FLYWCH1: variants seen among roughly 807,000 people sequenced by gnomAD.
FLYWCH1 encodes the protein FLYWCH-type zinc finger 1.
In FLYWCH1, 75 loss-of-function variants were observed where a neutral mutation model predicts 66.4. That is an observed-to-expected ratio of 1.13 (90% CI 0.94 to 1.37). The LOEUF (loss-of-function observed/expected upper bound fraction) is 1.37. FLYWCH1 is among the 40% of genes most tolerant of loss of function. The probability of loss-of-function intolerance (pLI) is 0.00; values close to 1 mark genes in which losing one functional copy is unlikely to be tolerated. For missense variants in FLYWCH1, 1,334 were observed against 1,001.8 expected (o/e 1.33, Z -4.48); for synonymous variants, 595 against 429.9 (o/e 1.38, Z -4.75).
At chr16:2,942,497 A>G (rs2151009958) in intron 9 of FLYWCH1, among the ~76,000 whole-genome samples, 1 of 152,272 alleles carries the variant, frequency 6.6e-6, no homozygotes, top group South Asian at 2.1e-4. Context: ...AACCAAGCAA[A>G]GGAATCACAA....
chr16:2,923,233 G>T, intron 2 of FLYWCH1: 1 of 322,592 alleles, frequency 3.1e-6, no homozygotes, highest in South Asian at 3.0e-5. Flanking sequence ...GCGCCATCTT[G>T]TGAAGAGGCT....
intron 2 of FLYWCH1, among the ~76,000 whole-genome samples, chr16:2,926,312 A>G (rs1198795738): frequency 2.0e-5 from 3 of 152,212 alleles, no homozygotes; most frequent in Non-Finnish European, 4.4e-5. Flanking sequence ...AAATCATCCC[A>G]CTTACAGTAT....
chr16:2,921,523 C>G (rs75368906), intron 2 of FLYWCH1, among the ~76,000 whole-genome samples: 2 of 151,966 alleles, frequency 1.3e-5, no homozygotes, highest in Non-Finnish European at 2.9e-5. Context: ...TAGCAAGACC[C>G]TGTCATTACC....
chr16:2,924,667 C>T (rs549860166), intron 2 of FLYWCH1, among the ~76,000 whole-genome samples: 14 of 152,310 alleles, frequency 9.2e-5, no homozygotes, highest in African/African-American at 2.9e-4. Context: ...ACGCAACCCC[C>T]CCAGGCTAGT....
At position 2,950,377 on chromosome 16, in the gene FLYWCH1, G is replaced by C. The variant is rs2071637669; in HGVS notation, c.*1650G>C. On this transcript the variant is annotated 3_prime_UTR_variant, in exon 10 of 10. Transcript: ENST00000253928. The stretch of plus-strand genomic sequence containing the variant: ...GTGGTCCAAATGTGTACGCCCACAG[G>C]AGGCAGCCATGCCCGAGGAAGGTAC... 6.6e-6 allele frequency: 1 copy of C among 152,372 alleles called. No homozygotes were observed. Among genetic ancestry groups the C allele is most frequent in the South Asian group, 2.1e-4 (1 of 4,838 alleles). The allele number at this position is 152,372 out of a possible 1,614,324, so 9.4% of individuals were successfully genotyped here.
Position 2,940,141 on chromosome 16 carries a change from T to C in FLYWCH1, c.2111+49T>C, listed in dbSNP as rs769171337. 8 of 883,546 alleles carry C rather than the reference T, an allele frequency of 9.1e-6. No homozygotes were observed. The South Asian group carries it at 1.1e-4, about 12-fold the overall frequency. 54.7% of individuals were successfully genotyped at this position (883,546 alleles called of 1,614,324 possible). ...GTGCATGACCAATTACAACAAAACG[T>C]AGTGGGCTTAAAACAACAAATATTT... On this transcript the variant is annotated intron_variant, in intron 9 of 9. Coordinates refer to ENST00000253928, the MANE Select transcript of FLYWCH1 (RefSeq NM_001308068.2).
intron 4 of FLYWCH1, among the ~76,000 whole-genome samples, chr16:2,931,637 A>G (rs2070765011): frequency 1.3e-5 from 2 of 152,056 alleles, no homozygotes; most frequent in South Asian, 4.1e-4. Flanking sequence ...TCAGAATTTT[A>G]TCTGGTTCCC....
intron 8 of FLYWCH1, among the ~76,000 whole-genome samples, chr16:2,938,881 G>A (rs1172790986): frequency 6.6e-6 from 1 of 151,060 alleles, no homozygotes; most frequent in Non-Finnish European, 1.5e-5. Flanking sequence ...CAAAGTGCTA[G>A]GATTACAGGC....
At chr16:2,920,682 C>T (rs1966334) in intron 2 of FLYWCH1, among the ~76,000 whole-genome samples, 81,080 of 151,418 alleles carry the variant, frequency 0.54, 22,021 homozygotes, top group African/African-American at 0.61. Flanking sequence ...GCTGGGATTG[C>T]AGGCATATGC....
chr16:2,946,372 A>G (rs1162276183), intron 9 of FLYWCH1, among the ~76,000 whole-genome samples: 1 of 124,202 alleles, frequency 8.1e-6, no homozygotes, highest in African/African-American at 3.2e-5. Flanking sequence ...CCCAGGCTGG[A>G]CTGCAGTGGT....
intron 8 of FLYWCH1, among the ~76,000 whole-genome samples, chr16:2,939,068 C>T (rs1053643305): frequency 8.5e-5 from 13 of 152,136 alleles, no homozygotes; most frequent in South Asian, 4.1e-4. Context: ...CCACCACACC[C>T]GGCCAAAACC....
chr16:2,941,707 A>G (rs979181266), intron 9 of FLYWCH1, among the ~76,000 whole-genome samples: 4 of 151,828 alleles, frequency 2.6e-5, no homozygotes, highest in Non-Finnish European at 5.9e-5. Flanking sequence ...CATCTCCACA[A>G]AAAATAGAAA....
chr16:2,913,172 T>A (rs1334486064), intron 1 of FLYWCH1: 1 of 152,184 alleles, frequency 6.6e-6, no homozygotes, highest in Non-Finnish European at 1.5e-5. Flanking sequence ...GTCAGCACCC[T>A]ATGTGGAGAA....
At position 2,937,356 on chromosome 16, in the gene FLYWCH1, C is replaced by A. The variant is rs1351156642; in HGVS notation, c.1749C>A (p.Phe583Leu). 6.3e-6 allele frequency: 10 copies of A among 1,586,516 alleles called. No individual in the cohort carries two copies. The highest frequency in any genetic ancestry group is 8.6e-6 in the Non-Finnish European group (10 of 1,167,218). ...AGGCCCTGCGGCAGCGGGAGCACTT[C>A]CCCAACCTGGCGCAGTGGGACAGCC... ...GLEALRQREH[F>L]PNLAQWDSPD... The change falls in exon 7 of 10, where the codon TTC becomes TTA. Residue 583 changes from phenylalanine to leucine, a missense_variant. Transcript: ENST00000253928.
At chr16:2,941,387 C>A (rs979019198) in intron 9 of FLYWCH1, among the ~76,000 whole-genome samples, 3 of 152,196 alleles carry the variant, frequency 2.0e-5, no homozygotes, top group Non-Finnish European at 4.4e-5. Context: ...AGAGGGAAAT[C>A]TATAGCTAAA....
rs767669606 is a variant in FLYWCH1, at chr16:2,933,432, C to G, written c.1099C>G (p.Arg367Gly). ...TGGGAGCCAAGTGGACACGCTGCTCCGAGGCGTGGATAGTTTGCTCTACCG... is the reference window on the plus strand; with the variant it reads ...TGGGAGCCAAGTGGACACGCTGCTCGGAGGCGTGGATAGTTTGCTCTACCG... ...GPGSQVDTLL[R>G]GVDSLLYRRG... Residue 367 changes from arginine to glycine, a missense_variant, in exon 5 of 10, where the codon CGA (arginine) becomes GGA (glycine). By Grantham distance (125) the Arg-to-Gly change is moderately radical. Coordinates refer to ENST00000253928, the MANE Select transcript of FLYWCH1 (RefSeq NM_001308068.2). 1.2e-6 allele frequency: 2 copies of G among 1,600,724 alleles called. No homozygotes were observed. The highest frequency in any genetic ancestry group is 2.3e-5 in the East Asian group (1 of 44,134).
chr16:2,931,101 G>A (rs1177101956), intron 4 of FLYWCH1, among the ~76,000 whole-genome samples: 1 of 151,426 alleles, frequency 6.6e-6, no homozygotes, highest in African/African-American at 2.4e-5. Context: ...TCAGGAGTTC[G>A]AGATCAGCCT....
chr16:2,945,727 G>T (rs1402579628), intron 9 of FLYWCH1, among the ~76,000 whole-genome samples: 4 of 152,000 alleles, frequency 2.6e-5, no homozygotes. Flanking sequence ...GCCGGGTGCG[G>T]TGGCTCATGC....
intron 2 of FLYWCH1, among the ~76,000 whole-genome samples, chr16:2,925,005 G>A (rs922159027): frequency 6.6e-6 from 1 of 152,198 alleles, no homozygotes; most frequent in African/African-American, 2.4e-5. Context: ...CAAGCTTGAC[G>A]CAGTCCCCAC....
Sources: gnomAD v4.1 joint callset for allele counts (sites outside exome capture counted in the v4.1 genomes callset) on GRCh38, gnomAD v4.1.1 for gene constraint, MANE v1.5 for transcripts, NCBI Gene and HGNC (gene_info 2026-07-23, HGNC 2026-07-21) for gene names.